RPH3AL: variants seen among roughly 807,000 people sequenced by gnomAD.
RPH3AL encodes rab effector Noc2.
In RPH3AL, 38 loss-of-function variants were observed where a neutral mutation model predicts 43.1. The ratio of observed to expected loss-of-function variants is 0.88; its 90% CI spans 0.68 to 1.15. The LOEUF (loss-of-function observed/expected upper bound fraction) is 1.15, where lower values mean the gene tolerates loss of function less well. Among genes scored for constraint, RPH3AL ranks in the 50% most tolerant of loss-of-function variants. The pLI is 0.00. For synonymous variants in RPH3AL, 189 were observed against 176.3 expected (o/e 1.07, Z -0.57); for missense variants, 462 against 423.2 (o/e 1.09, Z -0.81).
At chr17:240,819 G>A (rs557655809) in intron 7 of RPH3AL, among the ~76,000 whole-genome samples, 1 of 152,272 alleles carries the variant, frequency 6.6e-6, no homozygotes, top group South Asian at 2.1e-4. Context: ...CAGCAATTTG[G>A]GAGGCCAAGG....
Position 226,497 on chromosome 17 carries a change from T to C in RPH3AL, c.614-6761A>G, listed in dbSNP as rs757124754. On this transcript the variant is annotated intron_variant, in intron 7 of 9. Transcript: ENST00000331302. ...GACCCAAATCCCATTTCTAATCCAC[T>C]CTAATAAACACCACTCGAAAGAAAT... Among the ~76,000 whole-genome samples the C allele has an allele frequency of 1.1e-4, 16 of 152,158 alleles. No homozygotes were observed. The South Asian group carries it at 1.4e-3, about 14-fold the overall frequency.
At chr17:342,299 A>G (rs756567433) in intron 1 of RPH3AL, among the ~76,000 whole-genome samples, 1 of 152,244 alleles carries the variant, frequency 6.6e-6, no homozygotes, top group African/African-American at 2.4e-5. Context: ...AAGACAGTTT[A>G]GTTCCTCAAC....
chr17:261,266 C>G (rs73971679), intron 6 of RPH3AL, among the ~76,000 whole-genome samples: 1,904 of 152,266 alleles, frequency 0.013, 41 homozygotes, highest in African/African-American at 0.044. Flanking sequence ...GACAATGGAC[C>G]TTGGGAAGGG....
intron 5 of RPH3AL, among the ~76,000 whole-genome samples, chr17:311,578 T>C (rs1196812508): frequency 6.6e-6 from 1 of 152,222 alleles, no homozygotes; most frequent in African/African-American, 2.4e-5. Flanking sequence ...AGGGAAGCGA[T>C]TATTCTGAAA....
chr17:331,367 C>T (rs2044758203), intron 2 of RPH3AL: 1 of 226,628 alleles, frequency 4.4e-6, no homozygotes, highest in Non-Finnish European at 8.6e-6. Flanking sequence ...AGCGCCAGGG[C>T]AGGTTCATCA....
rs188506615 is a variant in RPH3AL at position 263,391 on chromosome 17, T to C, written c.439-16106A>G. The stretch of plus-strand genomic sequence containing the variant: ...CTCATCTTGCATGGCCAGGAGTCAA[T>C]AGAGAGTCTCCCAAGTTGGTACATC... On this transcript the variant is annotated intron_variant, in intron 6 of 9. Coordinates refer to ENST00000331302, the MANE Select transcript of RPH3AL (RefSeq NM_006987.4). 2.3e-4 allele frequency among the ~76,000 whole-genome samples: 35 copies of C among 152,240 alleles called. No individual in the cohort carries two copies. In the East Asian group the frequency reaches 6.6e-3, roughly 29 times the overall value.
intron 6 of RPH3AL, among the ~76,000 whole-genome samples, chr17:252,387 C>T (rs1481886703): frequency 6.6e-6 from 1 of 152,172 alleles, no homozygotes; most frequent in Admixed American, 6.5e-5. Context: ...AGACGCCCTG[C>T]TGACCATGGC....
At chr17:252,718 G>A (rs572133039) in intron 6 of RPH3AL, among the ~76,000 whole-genome samples, 16 of 152,262 alleles carry the variant, frequency 1.1e-4, no homozygotes, top group East Asian at 3.9e-4. Flanking sequence ...TAGGAAAGAC[G>A]GGTTGATTTT....
At chr17:271,433 G>C (rs1439846476) in intron 6 of RPH3AL, among the ~76,000 whole-genome samples, 1 of 152,096 alleles carries the variant, frequency 6.6e-6, no homozygotes, top group Non-Finnish European at 1.5e-5. Flanking sequence ...CCATTTGTTT[G>C]TGCCCTCTCT....
intron 1 of RPH3AL, among the ~76,000 whole-genome samples, chr17:336,187 C>G (rs989038628): frequency 1.7e-4 from 26 of 152,268 alleles, no homozygotes; most frequent in African/African-American, 6.0e-4. Flanking sequence ...TTAGCAACAG[C>G]TCTGACATCT....
intron 6 of RPH3AL, among the ~76,000 whole-genome samples, chr17:257,541 T>C (rs1299154242): frequency 4.3e-5 from 2 of 45,994 alleles, no homozygotes; most frequent in Non-Finnish European, 5.6e-5. Context: ...ACGGCGTCTG[T>C]CCTTTTCCGT....
rs915946695 is a variant in RPH3AL, at chr17:323,975, C to T, written c.78-2560G>A. On this transcript the variant is annotated intron_variant, in intron 3 of 9. Coordinates refer to ENST00000331302, the MANE Select transcript of RPH3AL (RefSeq NM_006987.4). The surrounding 1 kb of genome is among the most constrained non-coding windows in gnomAD (Gnocchi z 4.4). ...CAGGCCTGGACCCTCACAGTCATCC[C>T]ACAAGGCAGGCCTAGACCCTCAGTC... Among the ~76,000 whole-genome samples the T allele has an allele frequency of 2.0e-5, 3 of 151,406 alleles. No homozygotes were observed. Among genetic ancestry groups the T allele is most frequent in the Non-Finnish European group, 4.4e-5 (3 of 67,796 alleles).
At chr17:332,898 A>G in intron 2 of RPH3AL, 1 of 742,866 alleles carries the variant, frequency 1.3e-6, no homozygotes, top group Non-Finnish European at 1.9e-6. Context: ...GAACCCTTGT[A>G]AAACCCCGCA....
intron 6 of RPH3AL, among the ~76,000 whole-genome samples, chr17:258,714 T>C (rs1014494003): frequency 1.1e-4 from 17 of 151,680 alleles, no homozygotes; most frequent in African/African-American, 4.1e-4. Context: ...AAGCATCAGG[T>C]TGGATTGCCA....
chr17:233,966 C>T (rs1220551246), intron 7 of RPH3AL, among the ~76,000 whole-genome samples: 88 of 92,764 alleles, frequency 9.5e-4, no homozygotes, highest in South Asian at 1.2e-3. Context: ...TGACCAACTT[C>T]CCCGAGCAGG....
chr17:215,980 AC>A lies in RPH3AL; in HGVS notation c.728-179del. ...GGCTGCCGGGCTCTGGCCTGACCCC[AC>A]CCACATGGCTGCCGGGCTCTGGCCT... On this transcript the variant is annotated intron_variant, in intron 8 of 9. Transcript: ENST00000331302. The surrounding 1 kb of genome is among the most constrained non-coding windows in gnomAD (Gnocchi z 4.1). 1 of 442,884 alleles carries A rather than the reference AC, an allele frequency of 2.3e-6. No homozygotes were observed. The highest frequency in any genetic ancestry group is 2.2e-5 in the African/African-American group (1 of 44,764). 27.4% of individuals were successfully genotyped at this position (442,884 alleles called of 1,614,324 possible). A position where few individuals can be genotyped will look rare whatever the true frequency, so the allele number is the denominator to read the frequency against.
intron 7 of RPH3AL, among the ~76,000 whole-genome samples, chr17:242,155 A>C (rs1439206165): frequency 6.6e-6 from 1 of 152,200 alleles, no homozygotes; most frequent in Non-Finnish European, 1.5e-5. Context: ...ACTTTAAAGG[A>C]GGAAGAAAAA....
At chr17:243,580 C>A (rs982536938) in intron 7 of RPH3AL, among the ~76,000 whole-genome samples, 9 of 137,912 alleles carry the variant, frequency 6.5e-5, no homozygotes, top group African/African-American at 2.7e-4. Flanking sequence ...TACTGATTAC[C>A]CTTCCTCTAT....
chr17:289,589 A>C lies in RPH3AL; in HGVS notation c.352-7735T>G, dbSNP rs567711024. Among the ~76,000 whole-genome samples, 141 of 152,114 alleles carry C rather than the reference A, an allele frequency of 9.3e-4. No individual in the cohort carries two copies. Among genetic ancestry groups the C allele is most frequent in the Non-Finnish European group, 7.4e-4 (50 of 67,974 alleles). On this transcript the variant is annotated intron_variant, in intron 5 of 9. Coordinates refer to ENST00000331302, the MANE Select transcript of RPH3AL (RefSeq NM_006987.4). This position sits in a 1 kb window ranked among gnomAD's most constrained non-coding sequence, Gnocchi z 5.2. ...TCATGTCACCTCTCCCATCCCTCCCAACTTAAAAGCCATCAGAGGCTTCCC... is the reference window on the plus strand; with the variant it reads ...TCATGTCACCTCTCCCATCCCTCCCCACTTAAAAGCCATCAGAGGCTTCCC...
Sources: gnomAD v4.1 joint callset for allele counts (sites outside exome capture counted in the v4.1 genomes callset) on GRCh38, gnomAD v4.1.1 for gene constraint, Gnocchi (gnomAD v3.1) non-coding constraint, MANE v1.5 for transcripts, NCBI Gene and HGNC (gene_info 2026-07-23, HGNC 2026-07-21) for gene names.